UBE2W: variants seen among roughly 807,000 people sequenced by gnomAD.
UBE2W encodes ubiquitin conjugating enzyme E2 W.
In UBE2W, 18 loss-of-function variants were observed where a neutral mutation model predicts 27.2. That is an observed-to-expected ratio of 0.66 (90% CI 0.46 to 0.98). UBE2W has a LOEUF of 0.98. Ranked by LOEUF, UBE2W falls within the 50% of genes least tolerant of loss-of-function variation. The pLI is 0.00. For synonymous variants in UBE2W, 53 were observed against 57.2 expected (o/e 0.93, Z 0.33); for missense variants, 90 against 180.2 (o/e 0.50, Z 2.87).
At chr8:73,826,989 T>C (rs1223828957) in intron 2 of UBE2W, among the ~76,000 whole-genome samples, 1 of 152,240 alleles carries the variant, frequency 6.6e-6, no homozygotes, top group African/African-American at 2.4e-5. Context: ...TCCACCCACA[T>C]CCACTAGGCA....
rs1171253284 is a variant in UBE2W, at chr8:73,878,814, T to C, written c.9A>G (p.Ser3=). 2.6e-6 allele frequency: 4 copies of C among 1,550,772 alleles called. No homozygotes were observed. The highest frequency in any genetic ancestry group is 2.6e-6 in the Non-Finnish European group (3 of 1,146,594). ...TGCAGCAAACTCCTCTCACCTGCATTGACGCCATGATGGAACCATCCCCCC... is the reference window on the plus strand; with the variant it reads ...TGCAGCAAACTCCTCTCACCTGCATCGACGCCATGATGGAACCATCCCCCC... The part of the protein sequence containing the change: MA[S]MQKRLQKELL... The change falls in exon 1 of 6, where the codon TCA becomes TCG. Residue 3 remains serine (S), a synonymous_variant. Coordinates refer to ENST00000602593, the MANE Select transcript of UBE2W (RefSeq NM_018299.6).
At chr8:73,853,961 C>A (rs558388941) in intron 1 of UBE2W, among the ~76,000 whole-genome samples, 1 of 152,112 alleles carries the variant, frequency 6.6e-6, no homozygotes, top group South Asian at 2.1e-4. Context: ...CCATCCAGGG[C>A]AACATAGTAA....
At chr8:73,807,996 T>A (rs543425740) in intron 4 of UBE2W, among the ~76,000 whole-genome samples, 2 of 152,224 alleles carry the variant, frequency 1.3e-5, no homozygotes, top group Admixed American at 6.5e-5. Context: ...AGAAATTATC[T>A]TTAATCCACT....
chr8:73,805,472 C>CAAAAAAAAAAAAACAAACAACAAAAA, intron 5 of UBE2W, among the ~76,000 whole-genome samples, 179 bp downstream of exon 5: 13 of 43,694 alleles, frequency 3.0e-4, no homozygotes, highest in Admixed American at 1.5e-3. Flanking sequence ...AAAAAAAAAA[C>CAAAAAAAAAAAAACAAACAACAAAAA]AAAAAAAACT....
chr8:73,835,857 G>T (rs1411207724), intron 1 of UBE2W, among the ~76,000 whole-genome samples: 1 of 152,088 alleles, frequency 6.6e-6, no homozygotes, highest in African/African-American at 2.4e-5. Flanking sequence ...TAATTCAGAG[G>T]CCTTCATAGT....
intron 1 of UBE2W, among the ~76,000 whole-genome samples, chr8:73,832,709 A>G (rs1810125545): frequency 6.6e-6 from 1 of 152,336 alleles, no homozygotes; most frequent in East Asian, 1.9e-4. Flanking sequence ...AAATCTAAAA[A>G]GCCAGAATCT....
At chr8:73,832,180 A>G in intron 1 of UBE2W, among the ~76,000 whole-genome samples, 1 of 150,636 alleles carries the variant, frequency 6.6e-6, no homozygotes, top group African/African-American at 2.5e-5. Context: ...ATGCACCTGT[A>G]CTCCCAGGTA....
intron 1 of UBE2W, among the ~76,000 whole-genome samples, chr8:73,873,057 T>A (rs1177877224): frequency 1.3e-5 from 2 of 152,058 alleles, no homozygotes; most frequent in African/African-American, 4.8e-5. Context: ...AGATGCGCTC[T>A]ACCACGCCTG....
chr8:73,813,947 G>A (rs1809280928), intron 3 of UBE2W, among the ~76,000 whole-genome samples: 1 of 152,010 alleles, frequency 6.6e-6, no homozygotes, highest in South Asian at 2.1e-4. Context: ...TGGCCAAGCT[G>A]GTCTCGAACT....
Position 73,825,135 on chromosome 8 carries a change from CA to C in UBE2W, c.210+11del. 4 of 1,510,416 alleles carry C rather than the reference CA, an allele frequency of 2.6e-6. No individual in the cohort carries two copies. Among genetic ancestry groups the C allele is most frequent in the Non-Finnish European group, 3.5e-6 (4 of 1,130,036 alleles). 93.6% of individuals were successfully genotyped at this position (1,510,416 alleles called of 1,614,324 possible). ...AAAATACAAAAAAAAAAATTTAAAG[CA>C]AGGCAATTACCTGAGGAGAGTCAAA... is the stretch of plus-strand genomic sequence containing the variant. On this transcript the variant is annotated intron_variant, in intron 3 of 5. Transcript: ENST00000602593.
At chr8:73,780,856 T>C (rs1299377059) in intron 4 of UBE2W, among the ~76,000 whole-genome samples, 1 of 152,176 alleles carries the variant, frequency 6.6e-6, no homozygotes, top group African/African-American at 2.4e-5. Flanking sequence ...ATCAGATTTA[T>C]TCAAAAGTGC....
chr8:73,822,797 C>CA (rs957382882), intron 3 of UBE2W, among the ~76,000 whole-genome samples: 1 of 151,284 alleles, frequency 6.6e-6, no homozygotes, highest in Non-Finnish European at 1.5e-5. Context: ...AAAAACAAAA[C>CA]AAAAACAAAC....
At chr8:73,796,780 G>T in intron 5 of UBE2W, 1 of 406,034 alleles carries the variant, frequency 2.5e-6, no homozygotes, top group Non-Finnish European at 3.3e-6. Flanking sequence ...AAATAGGATG[G>T]CCATAACTAA....
At chr8:73,865,299 T>C (rs375681262) in intron 1 of UBE2W, among the ~76,000 whole-genome samples, 2 of 148,036 alleles carry the variant, frequency 1.4e-5, no homozygotes, top group African/African-American at 2.5e-5. Context: ...AGCCGGACCA[T>C]AGAAACAATC....
chr8:73,842,528 CAAAAAAAAAAAAAA>C (rs759063478), intron 1 of UBE2W, among the ~76,000 whole-genome samples: 23 of 9,674 alleles, frequency 2.4e-3, no homozygotes, highest in Middle Eastern at 0.05. Context: ...GACTCCGTCT[CAAAAAAAAAAAAAA>C]AAAAAAAAAA....
At chr8:73,860,647 T>G (rs1811499853) in intron 1 of UBE2W, among the ~76,000 whole-genome samples, 1 of 152,124 alleles carries the variant, frequency 6.6e-6, no homozygotes, top group South Asian at 2.1e-4. Context: ...GGTTGGTGGA[T>G]TTATGATGTC....
intron 5 of UBE2W, among the ~76,000 whole-genome samples, chr8:73,804,128 C>T (rs1309477213): frequency 2.0e-5 from 3 of 152,024 alleles, no homozygotes; most frequent in African/African-American, 7.2e-5. Context: ...CTCGGGTCAT[C>T]TTTTCGTTCA....
At chr8:73,848,888 T>A (rs1810936102) in intron 1 of UBE2W, among the ~76,000 whole-genome samples, 1 of 152,198 alleles carries the variant, frequency 6.6e-6, no homozygotes, top group Non-Finnish European at 1.5e-5. Flanking sequence ...CTGTTTGTTG[T>A]ATTTCAGTAA....
chr8:73,877,157 ATAATCT>A (rs1812267247), intron 1 of UBE2W, among the ~76,000 whole-genome samples: 1 of 152,250 alleles, frequency 6.6e-6, no homozygotes, highest in Non-Finnish European at 1.5e-5. Flanking sequence ...AATACAGATA[ATAATCT>A]TAAACTTGTC....
Sources: gnomAD v4.1 joint callset for allele counts (sites outside exome capture counted in the v4.1 genomes callset) on GRCh38, gnomAD v4.1.1 for gene constraint, MANE v1.5 for transcripts, NCBI Gene and HGNC (gene_info 2026-07-23, HGNC 2026-07-21) for gene names.